GPHN: variants seen among roughly 807,000 people sequenced by gnomAD.
GPHN encodes the protein gephyrin.
A neutral mutation model predicts 95.5 loss-of-function variants in GPHN; 17 were observed. That is an observed-to-expected ratio of 0.18 (90% CI 0.12 to 0.27). GPHN has a LOEUF of 0.27. Ranked by LOEUF, GPHN falls within the 10% of genes least tolerant of loss-of-function variation. The pLI is 1.00. For missense variants in GPHN, 660 were observed against 978.1 expected (o/e 0.67, Z 4.34); for synonymous variants, 320 against 322.5 (o/e 0.99, Z 0.08).
At chr14:66,753,597 A>G (rs2058451184) in intron 2 of GPHN, among the ~76,000 whole-genome samples, 1 of 152,062 alleles carries the variant, frequency 6.6e-6, no homozygotes, top group Admixed American at 6.6e-5. Flanking sequence ...CTACTGATCC[A>G]ACAGGAAAAC....
chr14:67,303,467 T>C, the GPHN span: 2 of 1,354,654 alleles, frequency 1.5e-6, no homozygotes, highest in Non-Finnish European at 2.1e-6. Flanking sequence ...CATAAAATCA[T>C]GGAATGATTT....
At chr14:67,045,328 CTA>C (rs1236972218) in intron 10 of GPHN, among the ~76,000 whole-genome samples, 1 of 152,168 alleles carries the variant, frequency 6.6e-6, no homozygotes, top group Admixed American at 6.5e-5. Flanking sequence ...CAGCTTTTTG[CTA>C]TGAGGCCTAA....
At chr14:66,553,665 C>T (rs1177645000) in intron 1 of GPHN, among the ~76,000 whole-genome samples, 1 of 152,120 alleles carries the variant, frequency 6.6e-6, no homozygotes, top group Non-Finnish European at 1.5e-5. Flanking sequence ...CAACTTCTGC[C>T]TCCCGGGTTC....
Position 66,916,001 on chromosome 14 carries a change from A to T in GPHN, c.390-2A>T, listed in dbSNP as rs189266339. On this transcript the variant is annotated splice_acceptor_variant, in intron 5 of 22. Transcript: ENST00000478722. LOFTEE classifies it high-confidence loss of function. ...GTTCATCTACTTTCTCTTTTCTTTC[A>T]GGCCTGTATGTGGAATCAGAGGGAA... is the stretch of plus-strand genomic sequence containing the variant. The T allele has an allele frequency of 6.4e-7, 1 of 1,572,522 alleles. No homozygotes were observed.
the GPHN span, chr14:67,663,022 C>T: frequency 7.1e-7 from 1 of 1,403,706 alleles, no homozygotes; most frequent in Non-Finnish European, 9.2e-7. Flanking sequence ...ATAAAAATTC[C>T]ACCTACTCGG....
At chr14:67,594,073 T>C in the GPHN span, 1 of 660,370 alleles carries the variant, frequency 1.5e-6, no homozygotes, top group South Asian at 1.8e-5. Flanking sequence ...TAAGGTGCTA[T>C]GAAAGTATAC....
chr14:66,647,162 C>T lies in GPHN; in HGVS notation c.65-33945C>T, dbSNP rs556017078. On this transcript the variant is annotated intron_variant, in intron 1 of 22. Coordinates refer to ENST00000478722, the MANE Select transcript of GPHN (RefSeq NM_020806.5). ...CTCAGGTCATCTTCCTGCCTTGGCCCCCCAAAGTTCTGGGATTACAGGCAT... is the reference window on the plus strand; with the variant it reads ...CTCAGGTCATCTTCCTGCCTTGGCCTCCCAAAGTTCTGGGATTACAGGCAT... 4.0e-5 allele frequency among the ~76,000 whole-genome samples: 6 copies of T among 151,326 alleles called. No homozygotes were observed. The South Asian group carries it at 1.3e-3, about 32-fold the overall frequency.
chr14:67,013,724 A>C lies in GPHN; in HGVS notation c.964-9909A>C, dbSNP rs78273277. Among the ~76,000 whole-genome samples the C allele has an allele frequency of 9.4e-3, 1,427 of 152,104 alleles. 31 individuals carry two copies. The highest frequency in any genetic ancestry group is 0.033 in the African/African-American group (1,351 of 41,504). On this transcript the variant is annotated intron_variant, in intron 9 of 22. Coordinates refer to ENST00000478722, the MANE Select transcript of GPHN (RefSeq NM_020806.5). ...TCACAACTTTTTCAATCAATCTAAA[A>C]TATGATTTAGAAAGGAAAACAATAC...
intron 2 of GPHN, among the ~76,000 whole-genome samples, chr14:66,686,657 C>T (rs879421456): frequency 9.2e-5 from 14 of 152,190 alleles, no homozygotes; most frequent in Admixed American, 3.9e-4. Context: ...TGGACTGAGA[C>T]GGTGGGGTTT....
chr14:66,944,970 T>C (rs1156595945), intron 8 of GPHN, among the ~76,000 whole-genome samples: 1 of 152,224 alleles, frequency 6.6e-6, no homozygotes, highest in Non-Finnish European at 1.5e-5. Flanking sequence ...TGGTGCACAG[T>C]TTCCTCTACC....
At chr14:67,397,243 CTTT>C in the GPHN span, among the ~76,000 whole-genome samples, 1 of 152,258 alleles carries the variant, frequency 6.6e-6, no homozygotes, top group South Asian at 2.1e-4. Flanking sequence ...CCAGCCTAGA[CTTT>C]TTTAATGGTA....
At chr14:67,670,675 C>T in the GPHN span, among the ~76,000 whole-genome samples, 3 of 152,010 alleles carry the variant, frequency 2.0e-5, no homozygotes, top group Admixed American at 6.6e-5. Flanking sequence ...ACTACAGGCA[C>T]ATGCCACCAC....
chr14:66,763,795 C>G (rs916738212), intron 2 of GPHN, among the ~76,000 whole-genome samples: 1 of 152,068 alleles, frequency 6.6e-6, no homozygotes, highest in Non-Finnish European at 1.5e-5. Context: ...GAGCGGCAGA[C>G]GTGAGCAAAA....
At chr14:66,876,339 A>C (rs977228391) in intron 4 of GPHN, among the ~76,000 whole-genome samples, 14 of 152,288 alleles carry the variant, frequency 9.2e-5, no homozygotes, top group Non-Finnish European at 1.8e-4. Flanking sequence ...AATTAAAAGA[A>C]CTAGAGAAGC....
chr14:67,518,701 C>G, the GPHN span, among the ~76,000 whole-genome samples: 1 of 152,208 alleles, frequency 6.6e-6, no homozygotes, highest in Admixed American at 6.5e-5. Context: ...CTCTTGTCCC[C>G]CATAAGTAAT....
chr14:66,957,694 G>A (rs2068622498), intron 8 of GPHN, among the ~76,000 whole-genome samples: 1 of 152,086 alleles, frequency 6.6e-6, no homozygotes, highest in African/African-American at 2.4e-5. Flanking sequence ...GCTAGGTCTA[G>A]TTGGTTTATA....
intron 12 of GPHN, among the ~76,000 whole-genome samples, chr14:67,095,440 A>G (rs1305747541): frequency 2.0e-5 from 3 of 152,216 alleles, no homozygotes; most frequent in Non-Finnish European, 4.4e-5. Context: ...TATATACCCA[A>G]AGGACTATAA....
intron 9 of GPHN, among the ~76,000 whole-genome samples, chr14:67,002,595 C>A (rs780800178): frequency 6.6e-6 from 1 of 151,156 alleles, no homozygotes; most frequent in Non-Finnish European, 1.5e-5. Context: ...GAATCCTAAT[C>A]CTGGATTTGA....
intron 2 of GPHN, among the ~76,000 whole-genome samples, chr14:66,700,797 C>T (rs2068486730): frequency 6.6e-6 from 1 of 152,090 alleles, no homozygotes. Flanking sequence ...GTGGCGTGCG[C>T]CTATAGTCCC....
Sources: allele counts gnomAD v4.1 joint callset (sites outside exome capture counted in the v4.1 genomes callset), GRCh38; gene constraint gnomAD v4.1.1; transcripts MANE v1.5; gene names NCBI Gene and HGNC (gene_info 2026-07-23, HGNC 2026-07-21).